KCP: variants seen among roughly 807,000 people sequenced by gnomAD.
The protein encoded by KCP is kielin/chordin-like protein.
KCP carries 194 observed loss-of-function variants against 212.7 expected under a neutral mutation model. The observed-to-expected ratio is 0.91, with a 90% CI of 0.81 to 1.03. KCP has a LOEUF of 1.03. KCP is among the 50% of genes least tolerant of loss of function. The pLI is 0.00. For missense variants in KCP, 2,080 were observed against 2,162.5 expected (o/e 0.96, Z 0.76); for synonymous variants, 833 against 865.3 (o/e 0.96, Z 0.65).
At chr7:128,896,219 G>C (rs1044144780) in intron 8 of KCP, among the ~76,000 whole-genome samples, 5 of 152,158 alleles carry the variant, frequency 3.3e-5, no homozygotes, top group African/African-American at 1.2e-4. Context: ...ACTGACTGGC[G>C]GACTGTGGGT....
chr7:128,881,797 G>C, intron 30 of KCP, 72 bp from the exon 31 acceptor site: 1 of 1,402,488 alleles, frequency 7.1e-7, no homozygotes, highest in South Asian at 1.2e-5. Context: ...GGCATAGGCA[G>C]GATGTGACAG....
intron 2 of KCP, 132 bp downstream of exon 2, chr7:128,908,294 G>GAA: frequency 1.5e-6 from 1 of 670,892 alleles, no homozygotes; most frequent in Non-Finnish European, 2.1e-6. Flanking sequence ...AAGAAAGAAA[G>GAA]AAAGAAAGAA....
chr7:128,880,775 C>G (rs187946911), intron 32 of KCP, 54 bp from the exon 33 acceptor site: 7 of 405,080 alleles, frequency 1.7e-5, no homozygotes, highest in African/African-American at 1.0e-4. Context: ...AGTCCCCAGC[C>G]TCATGCTTCT....
chr7:128,880,379 C>T lies in KCP; in HGVS notation c.3759+7G>A. 1 of 1,518,714 alleles carries T rather than the reference C, an allele frequency of 6.6e-7. No homozygotes were observed. Among genetic ancestry groups the T allele is most frequent in the Non-Finnish European group, 8.9e-7 (1 of 1,128,462 alleles). The allele number at this position is 1,518,714 out of a possible 1,614,324, so 94.1% of individuals were successfully genotyped here. A position where few individuals can be genotyped will look rare whatever the true frequency, so the allele number is the denominator to read the frequency against. ...CCCTCCCCACCATTTTAGATTGCGGCACTCACGGGGCCACACGAGAGCGGT... is the reference window on the plus strand; with the variant it reads ...CCCTCCCCACCATTTTAGATTGCGGTACTCACGGGGCCACACGAGAGCGGT... On this transcript the variant is annotated splice_region_variant and intron_variant, in intron 34 of 39. Coordinates refer to ENST00000610776, the MANE Select transcript of KCP (RefSeq NM_001366122.1).
At chr7:128,887,422 C>T (rs2128946029) in intron 22 of KCP, 122 bp from the exon 23 acceptor site, 2 of 745,666 alleles carry the variant, frequency 2.7e-6, no homozygotes, top group South Asian at 3.1e-5. Context: ...CACATAGCCA[C>T]ACACACACAT....
chr7:128,879,485 A>C lies in KCP; in HGVS notation c.4146+37T>G, dbSNP rs1304903541. 2.0e-6 allele frequency: 3 copies of C among 1,523,114 alleles called. No individual in the cohort carries two copies. The African/African-American group carries it at 4.1e-5, about 21-fold the overall frequency. 94.3% of individuals were successfully genotyped at this position (1,523,114 alleles called of 1,614,324 possible). On this transcript the variant is annotated intron_variant, in intron 37 of 39. Transcript: ENST00000610776. ...AGGCCTAAACAGGACTGAAGCTCCC[A>C]GCAGGCAGCCCACCCAGACTCGCCC...
At position 128,881,777 on chromosome 7, in the gene KCP, G is replaced by A. The variant is rs1022313766; in HGVS notation, c.3325-52C>T. On this transcript the variant is annotated intron_variant, in intron 30 of 39. Coordinates refer to ENST00000610776, the MANE Select transcript of KCP (RefSeq NM_001366122.1). The stretch of plus-strand genomic sequence containing the variant: ...GAATGGCAGATCTCAGGGAGCTGGT[G>A]GAGGAGTAAGGCATAGGCAGGATGT... The A allele has an allele frequency of 6.2e-6, 9 of 1,446,016 alleles. No individual in the cohort carries two copies. In the African/African-American group the frequency reaches 7.2e-5, roughly 11 times the overall value. The allele number at this position is 1,446,016 out of a possible 1,614,324, so 89.6% of individuals were successfully genotyped here.
intron 8 of KCP, among the ~76,000 whole-genome samples, chr7:128,902,508 G>C (rs571274175): frequency 6.6e-6 from 1 of 152,130 alleles, no homozygotes; most frequent in Non-Finnish European, 1.5e-5. Flanking sequence ...TTTGCCGCTC[G>C]CCATATCCTG....
intron 34 of KCP, 79 bp from the exon 35 acceptor site, chr7:128,880,164 A>G (rs1793239633): frequency 1.4e-6 from 2 of 1,424,004 alleles, no homozygotes; most frequent in East Asian, 5.0e-5. Flanking sequence ...AAAACCAAGC[A>G]TCTCCCAGGA....
chr7:128,886,897 A>G lies in KCP; in HGVS notation c.2668T>C (p.Cys890Arg). The change falls in exon 24 of 40, where the codon TGC (cysteine) becomes CGC (arginine). Residue 890 changes from cysteine (C) to arginine (R), a missense_variant. Transcript: ENST00000610776. ...TCACTGTGGCAAACAGGGCAGAAGC[A>G]GGGGCCTGGAGAGGGGTGGGGGCAG... is the stretch of plus-strand genomic sequence containing the variant. ...ALCPHPSPGP[C>R]FCPVCHSCLS... is the part of the protein sequence containing the mutation. 1 of 1,391,132 alleles carries G rather than the reference A, an allele frequency of 7.2e-7. No homozygotes were observed. Among genetic ancestry groups the G allele is most frequent in the Non-Finnish European group, 9.8e-7 (1 of 1,015,726 alleles). 86.2% of individuals were successfully genotyped at this position (1,391,132 alleles called of 1,614,324 possible).
rs1794037572 is a variant in KCP at position 128,890,597 on chromosome 7, G to C, written c.2165-84C>G. ...TGGTCGTGGGGTTGAGGGGCGTGGA[G>C]GACGGGTGTCGTGGGGGCCGTGGGG... On this transcript the variant is annotated intron_variant, in intron 20 of 39. Transcript: ENST00000610776. The C allele has an allele frequency of 8.0e-6, 10 of 1,243,830 alleles. No homozygotes were observed. The East Asian group carries it at 2.6e-4, about 32-fold the overall frequency. The allele number at this position is 1,243,830 out of a possible 1,614,324, so 77.0% of individuals were successfully genotyped here.
chr7:128,887,031 A>C (rs1793695793), intron 23 of KCP, 65 bp from the exon 24 acceptor site: 3 of 1,054,908 alleles, frequency 2.8e-6, no homozygotes, highest in Non-Finnish European at 4.3e-6. Context: ...TGGAGCCCCT[A>C]CTGAGCCTGC....
chr7:128,879,908 C>T lies in KCP; in HGVS notation c.3932+5G>A, dbSNP rs1179942647. ...TTGGGGAGAAGAGAGACAGGGGATG[C>T]ACACCTGAAGTCCCCGCTGTGGCAG... On this transcript the variant is annotated splice_donor_5th_base_variant and intron_variant, in intron 35 of 39. Coordinates refer to ENST00000610776, the MANE Select transcript of KCP (RefSeq NM_001366122.1). 6.4e-7 allele frequency: 1 copy of T among 1,551,182 alleles called. No individual in the cohort carries two copies.
rs1018908299 is a variant in KCP, at chr7:128,903,999, G to A, written c.654+57C>T. The A allele has an allele frequency of 6.9e-6, 10 of 1,454,440 alleles. No homozygotes were observed. In the African/African-American group the frequency reaches 8.4e-5, roughly 12 times the overall value. 90.1% of individuals were successfully genotyped at this position (1,454,440 alleles called of 1,614,324 possible). On this transcript the variant is annotated intron_variant, in intron 6 of 39. Coordinates refer to ENST00000610776, the MANE Select transcript of KCP (RefSeq NM_001366122.1). Reference sequence around the variant, plus strand: ...GGAGGAGTGGCAGGCAGGGCCCAGGGCAGGGCAGGTGTCCAGGGAGGTGCA... The same window carrying A: ...GGAGGAGTGGCAGGCAGGGCCCAGGACAGGGCAGGTGTCCAGGGAGGTGCA...
chr7:128,888,798 GA>G (rs1793903817), intron 22 of KCP, 64 bp downstream of exon 22: 2 of 1,444,532 alleles, frequency 1.4e-6, no homozygotes, highest in Non-Finnish European at 1.9e-6. Flanking sequence ...GAGGAAAGTG[GA>G]ATCGGTGAGA....
In KCP at chr7:128,877,658, G is replaced by T; in HGVS notation, c.4444C>A (p.Arg1482Ser). 6.4e-7 allele frequency: 1 copy of T among 1,551,556 alleles called. No individual in the cohort carries two copies. The highest frequency in any genetic ancestry group is 8.7e-7 in the Non-Finnish European group (1 of 1,146,976). ...CGVLKSSPFS[R>S]CHAVVPPEPF... ...TCCGGTGGCACCACAGCATGGCAGCGACTGAATGGGGAGGACTTCAGCACC... is the reference window on the plus strand; with the variant it reads ...TCCGGTGGCACCACAGCATGGCAGCTACTGAATGGGGAGGACTTCAGCACC... The change falls in exon 39 of 40, where the codon CGC (arginine) becomes AGC (serine). Residue 1482 changes from arginine to serine, a missense_variant. By Grantham distance (110) the Arg-to-Ser change is moderately radical. Transcript: ENST00000610776.
At chr7:128,888,119 TACACACACAC>T (rs199831809) in intron 22 of KCP, among the ~76,000 whole-genome samples, 2 of 117,930 alleles carry the variant, frequency 1.7e-5, no homozygotes, top group African/African-American at 3.1e-5. Context: ...GCTACAGCCA[TACACACACAC>T]ACACACACAC....
chr7:128,890,617 G>T, intron 20 of KCP, 104 bp from the exon 21 acceptor site: 1 of 914,390 alleles, frequency 1.1e-6, no homozygotes, highest in East Asian at 2.7e-5. Flanking sequence ...CGTGGGGGCC[G>T]TGGGGGCTGG....
In KCP at chr7:128,877,185, G is replaced by A; in HGVS notation, c.4745C>T (p.Pro1582Leu). 2.7e-6 allele frequency: 4 copies of A among 1,486,942 alleles called. No individual in the cohort carries two copies. The highest frequency in any genetic ancestry group is 1.8e-6 in the Non-Finnish European group (2 of 1,119,404). The allele number at this position is 1,486,942 out of a possible 1,614,324, so 92.1% of individuals were successfully genotyped here. The change falls in exon 40 of 40, where the codon CCC becomes CTC. Residue 1582 changes from proline to leucine, a missense_variant. Physicochemically the swap from Pro to Leu is moderately conservative, Grantham distance 98 (BLOSUM62 -3). Transcript: ENST00000610776. Reference protein sequence around the residue: ...LAAHCVRPCVPGCQCPAGLVE... With the variant: ...LAAHCVRPCVLGCQCPAGLVE... ...CAGGCCTGCAGGGCACTGGCAGCCGGGCACGCAGGGCCTCACGCAGTGGGC... is the reference window on the plus strand; with the variant it reads ...CAGGCCTGCAGGGCACTGGCAGCCGAGCACGCAGGGCCTCACGCAGTGGGC...
Sources: gnomAD v4.1 joint callset for allele counts (sites outside exome capture counted in the v4.1 genomes callset) on GRCh38, gnomAD v4.1.1 for gene constraint, MANE v1.5 for transcripts, NCBI Gene and HGNC (gene_info 2026-07-23, HGNC 2026-07-21) for gene names.